The following RGPD4 variants were observed in gnomAD, a reference collection of about 807,000 sequenced individuals.
RGPD4 encodes ranBP2-like and GRIP domain-containing protein 4.
In RGPD4, 84 loss-of-function variants were observed where a neutral mutation model predicts 141.1. The ratio of observed to expected loss-of-function variants is 0.60; its 90% CI spans 0.50 to 0.71. The LOEUF (loss-of-function observed/expected upper bound fraction) is 0.71. Among genes scored for constraint, RGPD4 ranks in the 30% least tolerant of loss-of-function variants. The pLI, the probability that RGPD4 is intolerant of heterozygous loss-of-function variation, is 0.00. For missense variants in RGPD4, 918 were observed against 1,622.4 expected (o/e 0.57, Z 7.46); for synonymous variants, 298 against 566.8 (o/e 0.53, Z 6.74).
chr2:107,844,895 G>T (rs1259544978), intron 6 of RGPD4, among the ~76,000 whole-genome samples: 1 of 113,738 alleles, frequency 8.8e-6, no homozygotes, highest in Non-Finnish European at 1.7e-5. Context: ...GAGTGCAGTG[G>T]CACGACCTTG....
intron 6 of RGPD4, among the ~76,000 whole-genome samples, chr2:107,847,788 G>A (rs1438023455): frequency 3.5e-5 from 3 of 84,776 alleles, no homozygotes; most frequent in Non-Finnish European, 4.4e-5. Flanking sequence ...TCGTGCCATT[G>A]CACTCCAGCC....
rs1358078841 is a variant in RGPD4, at chr2:107,872,797, A to T, written c.4793A>T (p.Glu1598Val). 5.0e-6 allele frequency: 8 copies of T among 1,610,842 alleles called. No homozygotes were observed. Among genetic ancestry groups the T allele is most frequent in the Middle Eastern group, 2.3e-4 (1 of 4,430 alleles). ...CAGAGTGGATCTGAAAGCAAAGTGG[A>T]ACCTAAAAAATGTGAACTGTCAAAG... ...VAQSGSESKVEPKKCELSKNS... is the reference protein window; with the variant it reads ...VAQSGSESKVVPKKCELSKNS... Residue 1598 changes from glutamate to valine, a missense_variant, in exon 20 of 23, where the codon GAA becomes GTA. Glu to Val is a moderately radical substitution (Grantham distance 121). Transcript: ENST00000408999.
Position 107,859,313 on chromosome 2 carries a change from C to A in RGPD4, c.1458+18C>A. On this transcript the variant is annotated intron_variant, in intron 10 of 22. Coordinates refer to ENST00000408999, the MANE Select transcript of RGPD4 (RefSeq NM_182588.3). Reference sequence around the variant, plus strand: ...ATCTTGAAGTAAGCAAAGATTTTAACAAATTAAATATTCTGAATTTTGTTT... The same window carrying A: ...ATCTTGAAGTAAGCAAAGATTTTAAAAAATTAAATATTCTGAATTTTGTTT... The A allele has an allele frequency of 6.4e-7, 1 of 1,559,954 alleles. No individual in the cohort carries two copies. The highest frequency in any genetic ancestry group is 8.7e-7 in the Non-Finnish European group (1 of 1,153,162).
At chr2:107,852,238 G>A (rs1449410665) in intron 7 of RGPD4, among the ~76,000 whole-genome samples, 1 of 93,756 alleles carries the variant, frequency 1.1e-5, no homozygotes, top group Non-Finnish European at 2.3e-5. Context: ...GCAACAGAGC[G>A]AGACTCCATC....
rs544314284 is a variant in RGPD4 at position 107,883,868 on chromosome 2, C to G, written c.5266+995C>G. Among the ~76,000 whole-genome samples the G allele has an allele frequency of 2.0e-5, 3 of 152,232 alleles. No individual in the cohort carries two copies. In the East Asian group the frequency reaches 5.8e-4, roughly 29 times the overall value. ...CGCTATAATCTCTCTTGAGTTGTCA[C>G]CCATCTCTAACAGTTTTCAACTCAT... is the stretch of plus-strand genomic sequence containing the variant. On this transcript the variant is annotated intron_variant, in intron 22 of 22. Transcript: ENST00000408999.
chr2:107,886,665 C>T (rs1183770158), intron 22 of RGPD4, among the ~76,000 whole-genome samples: 1 of 151,994 alleles, frequency 6.6e-6, no homozygotes, highest in Non-Finnish European at 1.5e-5. Flanking sequence ...ACTGGTCACA[C>T]TAGGGGGGCA....
At chr2:107,866,973 T>C (rs1424094834) in intron 18 of RGPD4, among the ~76,000 whole-genome samples, 6 of 149,990 alleles carry the variant, frequency 4.0e-5, no homozygotes, top group Non-Finnish European at 8.9e-5. Context: ...TAGTGTTTAC[T>C]GTGGGTTGGC....
Position 107,849,389 on chromosome 2 carries a change from C to G in RGPD4, c.978+853C>G, listed in dbSNP as rs1388608215. On this transcript the variant is annotated intron_variant, in intron 7 of 22. Coordinates refer to ENST00000408999, the MANE Select transcript of RGPD4 (RefSeq NM_182588.3). ...TTTTTTTTTTTTTTTTTTTTTGAGA[C>G]GGAGTCTCGCTCTGTCGCCCAGGCT... is the stretch of plus-strand genomic sequence containing the variant. Among the ~76,000 whole-genome samples the G allele has an allele frequency of 4.4e-5, 5 of 114,436 alleles. No homozygotes were observed. The East Asian group carries it at 9.1e-4, about 21-fold the overall frequency. 75.1% of individuals were successfully genotyped at this position (114,436 alleles called of 152,430 possible). A position where few individuals can be genotyped will look rare whatever the true frequency, so the allele number is the denominator to read the frequency against.
Position 107,891,383 on chromosome 2 carries a change from T to G in RGPD4, c.*652T>G, listed in dbSNP as rs1158704519. 5.7e-5 allele frequency among the ~76,000 whole-genome samples: 6 copies of G among 104,888 alleles called. No individual in the cohort carries two copies. The highest frequency in any genetic ancestry group is 1.2e-4 in the Non-Finnish European group (6 of 50,994). 68.8% of individuals were successfully genotyped at this position (104,888 alleles called of 152,430 possible). ...GTCAGATTTACAGATTGTTATAAATTGTTGAGAAATTTTTGTGATTAGAAT... is the reference window on the plus strand; with the variant it reads ...GTCAGATTTACAGATTGTTATAAATGGTTGAGAAATTTTTGTGATTAGAAT... On this transcript the variant is annotated 3_prime_UTR_variant, in exon 23 of 23. Coordinates refer to ENST00000408999, the MANE Select transcript of RGPD4 (RefSeq NM_182588.3).
chr2:107,870,779 T>C lies in RGPD4; in HGVS notation c.2775T>C (p.Phe925=). ...CTGTGTCTGCTGATGGATTTAAATT[T>C]GGCATTTCGGAACCAGGAAATCAAG... ...SIPVSADGFK[F]GISEPGNQEK... Residue 925 remains phenylalanine (F), a synonymous_variant, in exon 20 of 23, where the codon TTT becomes TTC. Coordinates refer to ENST00000408999, the MANE Select transcript of RGPD4 (RefSeq NM_182588.3). 1 of 1,609,856 alleles carries C rather than the reference T, an allele frequency of 6.2e-7. No homozygotes were observed. The highest frequency in any genetic ancestry group is 8.5e-7 in the Non-Finnish European group (1 of 1,178,934).
chr2:107,861,765 C>G, intron 15 of RGPD4, 25 bp downstream of exon 15: 1 of 1,562,912 alleles, frequency 6.4e-7, no homozygotes, highest in Non-Finnish European at 8.7e-7. Context: ...GTTGTATGTA[C>G]GTTCTTACTG....
chr2:107,847,200 C>T (rs370202035), intron 6 of RGPD4, among the ~76,000 whole-genome samples: 33 of 146,658 alleles, frequency 2.3e-4, no homozygotes, highest in East Asian at 9.9e-4. Flanking sequence ...CAAGATTGTG[C>T]CACTGCACTC....
Position 107,882,734 on chromosome 2 carries a change from C to T in RGPD4, c.5127C>T (p.Asn1709=), listed in dbSNP as rs142912006. The T allele has an allele frequency of 8.2e-4, 1,328 of 1,611,620 alleles. 26 individuals are homozygous for T. The African/African-American group carries it at 0.011, about 13-fold the overall frequency. The part of the protein sequence containing the change: ...RNQEQEESAA[N]VEHLKNVLLQ... ...AAGAGCAAGAGGAGTCTGCAGCTAA[C>T]GTGGAACACTTGAAGAACGTCTTGC... is the stretch of plus-strand genomic sequence containing the variant. The change falls in exon 22 of 23, where the codon AAC becomes AAT. Residue 1709 remains asparagine (N), a synonymous_variant. Transcript: ENST00000408999.
intron 7 of RGPD4, among the ~76,000 whole-genome samples, chr2:107,849,691 A>G (rs62150195): frequency 1.3e-5 from 1 of 79,966 alleles, no homozygotes; most frequent in Non-Finnish European, 2.5e-5. Flanking sequence ...TTTTTTTTTA[A>G]TGAGCCTGCA....
At chr2:107,881,551 C>T (rs1573533421) in intron 21 of RGPD4, among the ~76,000 whole-genome samples, 1 of 151,262 alleles carries the variant, frequency 6.6e-6, no homozygotes, top group South Asian at 2.1e-4. Flanking sequence ...CTCCTGACCT[C>T]GTGATCTGCC....
At chr2:107,888,512 G>C (rs1349784263) in intron 22 of RGPD4, among the ~76,000 whole-genome samples, 1 of 151,368 alleles carries the variant, frequency 6.6e-6, no homozygotes. Context: ...CTTTCTAGAA[G>C]TTCTTCAGAT....
intron 20 of RGPD4, among the ~76,000 whole-genome samples, chr2:107,876,538 C>T (rs915739527): frequency 2.0e-5 from 3 of 151,034 alleles, no homozygotes; most frequent in East Asian, 1.9e-4. Flanking sequence ...AACTGCATAA[C>T]CAATATAGCT....
At chr2:107,883,434 A>G (rs1217519837) in intron 22 of RGPD4, among the ~76,000 whole-genome samples, 1 of 151,456 alleles carries the variant, frequency 6.6e-6, no homozygotes, top group African/African-American at 2.4e-5. Context: ...TACTGAGACC[A>G]TCCTGGCCAA....
At chr2:107,889,104 G>A (rs1675582700) in intron 22 of RGPD4, among the ~76,000 whole-genome samples, 1 of 150,398 alleles carries the variant, frequency 6.6e-6, no homozygotes, top group Non-Finnish European at 1.5e-5. Flanking sequence ...TCTGCGTAAG[G>A]TCAAACTGTC....
Sources: allele counts gnomAD v4.1 joint callset (sites outside exome capture counted in the v4.1 genomes callset), GRCh38; gene constraint gnomAD v4.1.1; transcripts MANE v1.5; gene names NCBI Gene and HGNC (gene_info 2026-07-23, HGNC 2026-07-21).